Variants in RASGRF2 observed in about 807,000 individuals in gnomAD.
RASGRF2 encodes ras-specific guanine nucleotide-releasing factor 2.
In RASGRF2, 76 loss-of-function variants were observed where a neutral mutation model predicts 151.0. The observed-to-expected ratio is 0.50, with a 90% CI of 0.42 to 0.61. The LOEUF (loss-of-function observed/expected upper bound fraction) is 0.61. RASGRF2 is among the 20% of genes least tolerant of loss of function. RASGRF2 has a pLI of 0.00. For missense variants in RASGRF2, 1,148 were observed against 1,564.6 expected (o/e 0.73, Z 4.49); for synonymous variants, 504 against 566.5 (o/e 0.89, Z 1.57).
chr5:81,037,917 G>T (rs1034338102), intron 1 of RASGRF2, among the ~76,000 whole-genome samples: 2 of 151,982 alleles, frequency 1.3e-5, no homozygotes, highest in Non-Finnish European at 2.9e-5. Flanking sequence ...TTTTCTAACT[G>T]TATACATATC....
At chr5:81,194,898 A>G (rs1755228848) in intron 18 of RASGRF2, among the ~76,000 whole-genome samples, 1 of 152,260 alleles carries the variant, frequency 6.6e-6, no homozygotes, top group African/African-American at 2.4e-5. Context: ...TGAAGGAACA[A>G]GAGCTATGGG....
chr5:81,041,541 G>C (rs1413203962), intron 1 of RASGRF2, among the ~76,000 whole-genome samples: 1 of 152,064 alleles, frequency 6.6e-6, no homozygotes, highest in Non-Finnish European at 1.5e-5. Flanking sequence ...TTCTGCTTTA[G>C]AACTGTGATC....
At chr5:81,002,908 CT>C (rs1231877046) in intron 1 of RASGRF2, among the ~76,000 whole-genome samples, 1 of 152,150 alleles carries the variant, frequency 6.6e-6, no homozygotes, top group Non-Finnish European at 1.5e-5. Flanking sequence ...GAAAAAATGC[CT>C]TTTGGATATC....
At chr5:80,965,803 A>G (rs1178224605) in intron 1 of RASGRF2, among the ~76,000 whole-genome samples, 1 of 152,182 alleles carries the variant, frequency 6.6e-6, no homozygotes, top group Non-Finnish European at 1.5e-5. Flanking sequence ...TGGTTCATTA[A>G]AACAATTGCT....
At chr5:81,153,166 A>G (rs1215220850) in intron 17 of RASGRF2, among the ~76,000 whole-genome samples, 1 of 152,236 alleles carries the variant, frequency 6.6e-6, no homozygotes, top group Non-Finnish European at 1.5e-5. Flanking sequence ...AAGTAAAGAT[A>G]CCAGCATTGT....
rs185739923 is a variant in RASGRF2 at position 81,016,250 on chromosome 5, C to T, written c.289-26627C>T. ...AAAACAGAGAGGAATCATTGTCTTT[C>T]TCTGCAAACTGGGGATTATGACTTA... is the stretch of plus-strand genomic sequence containing the variant. On this transcript the variant is annotated intron_variant, in intron 1 of 26. Coordinates refer to ENST00000265080, the MANE Select transcript of RASGRF2 (RefSeq NM_006909.3). Among the ~76,000 whole-genome samples the T allele has an allele frequency of 4.1e-3, 632 of 152,308 alleles. 3 individuals are homozygous for T. Among genetic ancestry groups the T allele is most frequent in the Non-Finnish European group, 6.2e-3 (423 of 68,022 alleles).
Position 81,071,662 on chromosome 5 carries a change from G to T in RASGRF2, c.633+1081G>T, listed in dbSNP as rs909349520. On this transcript the variant is annotated intron_variant, in intron 4 of 26. Coordinates refer to ENST00000265080, the MANE Select transcript of RASGRF2 (RefSeq NM_006909.3). ...ATTTCTTAGAAATTAATTTTTTTTT[G>T]AATCAAGCTTATGCTATTGTGTTAT... 3.3e-4 allele frequency among the ~76,000 whole-genome samples: 50 copies of T among 150,934 alleles called. 1 individual carries two copies. The highest frequency in any genetic ancestry group is 1.1e-3 in the African/African-American group (46 of 41,184).
chr5:81,163,649 A>G (rs953955926), intron 17 of RASGRF2, among the ~76,000 whole-genome samples: 2 of 152,206 alleles, frequency 1.3e-5, no homozygotes, highest in Admixed American at 1.3e-4. Context: ...GTTTATGTGC[A>G]TATGGGTGTA....
intron 18 of RASGRF2, among the ~76,000 whole-genome samples, chr5:81,184,137 A>G (rs919165551): frequency 6.6e-6 from 1 of 152,192 alleles, no homozygotes; most frequent in African/African-American, 2.4e-5. Flanking sequence ...AAAGTTTCCA[A>G]AGTCAGCCCA....
chr5:81,225,389 G>A (rs1376075827), intron 26 of RASGRF2, among the ~76,000 whole-genome samples: 2 of 152,106 alleles, frequency 1.3e-5, no homozygotes, highest in Non-Finnish European at 2.9e-5. Context: ...ATTTCTGTAA[G>A]TACATGTAAT....
At chr5:81,210,060 T>C (rs16878538) in intron 22 of RASGRF2, 15,094 of 152,640 alleles carry the variant, frequency 0.099, 833 homozygotes, top group Admixed American at 0.14. Context: ...GCCTTTTACC[T>C]TGTCTCTCCA....
In RASGRF2 at chr5:81,078,305, C is replaced by T. The variant is rs533633376; in HGVS notation, c.888-1816C>T. ...TGAAATAAGTTATTGTTAACTATAGCTGCCCTATTGTGCTATCAAATAATA... is the reference window on the plus strand; with the variant it reads ...TGAAATAAGTTATTGTTAACTATAGTTGCCCTATTGTGCTATCAAATAATA... On this transcript the variant is annotated intron_variant, in intron 5 of 26. Coordinates refer to ENST00000265080, the MANE Select transcript of RASGRF2 (RefSeq NM_006909.3). Among the ~76,000 whole-genome samples the T allele has an allele frequency of 6.4e-4, 98 of 152,326 alleles. 2 individuals carry two copies. The highest frequency in any genetic ancestry group is 2.3e-3 in the African/African-American group (94 of 41,576).
Position 81,068,190 on chromosome 5 carries a change from G to T in RASGRF2, c.543+11G>T. 6.2e-7 allele frequency: 1 copy of T among 1,605,860 alleles called. No individual in the cohort carries two copies. ...AGGCTTAAATCAGAGGTATTTCCCA[G>T]TCAATAGATTCCTTCTCATTGTTTC... is the stretch of plus-strand genomic sequence containing the variant. On this transcript the variant is annotated intron_variant, in intron 3 of 26. Transcript: ENST00000265080.
At chr5:81,015,149 A>G (rs1259197813) in intron 1 of RASGRF2, among the ~76,000 whole-genome samples, 1 of 152,150 alleles carries the variant, frequency 6.6e-6, no homozygotes, top group Non-Finnish European at 1.5e-5. Flanking sequence ...AGCCATTTTT[A>G]TTTCAATCGG....
intron 17 of RASGRF2, among the ~76,000 whole-genome samples, chr5:81,169,703 G>T (rs1021572243): frequency 6.6e-6 from 1 of 152,132 alleles, no homozygotes; most frequent in African/African-American, 2.4e-5. Flanking sequence ...ATTCAATTCA[G>T]TACAGACCTT....
intron 1 of RASGRF2, among the ~76,000 whole-genome samples, chr5:80,970,975 G>A (rs1747912203): frequency 6.6e-6 from 1 of 152,074 alleles, no homozygotes; most frequent in Admixed American, 6.6e-5. Context: ...GTCCTGCGCT[G>A]TCACCTGTAC....
rs1373713534 is a variant in RASGRF2 at position 81,229,752 on chromosome 5, C to G, written c.*3982C>G. On this transcript the variant is annotated 3_prime_UTR_variant, in exon 27 of 27. Transcript: ENST00000265080. ...CGGCCCTGAGTCCTAGGCCCAGTCT[C>G]CAACTGGAAAACCTTAGGCTGGTGT... is the stretch of plus-strand genomic sequence containing the variant. The G allele has an allele frequency of 6.6e-6, 1 of 152,228 alleles. No individual in the cohort carries two copies. The highest frequency in any genetic ancestry group is 1.5e-5 in the Non-Finnish European group (1 of 68,054). 9.4% of individuals were successfully genotyped at this position (152,228 alleles called of 1,614,324 possible). A position where few individuals can be genotyped will look rare whatever the true frequency, so the allele number is the denominator to read the frequency against.
intron 17 of RASGRF2, among the ~76,000 whole-genome samples, chr5:81,174,139 C>A (rs750013208): frequency 6.6e-6 from 1 of 152,074 alleles, no homozygotes; most frequent in East Asian, 1.9e-4. Flanking sequence ...ATGAGAAAAA[C>A]CAAGGAGAGA....
intron 17 of RASGRF2, among the ~76,000 whole-genome samples, chr5:81,130,889 A>G (rs1753599304): frequency 1.3e-5 from 2 of 151,170 alleles, no homozygotes; most frequent in Non-Finnish European, 2.9e-5. Flanking sequence ...TGCTCCTAAC[A>G]GGAAACAAGG....
Sources: allele counts gnomAD v4.1 joint callset (sites outside exome capture counted in the v4.1 genomes callset), GRCh38; gene constraint gnomAD v4.1.1; transcripts MANE v1.5; gene names NCBI Gene and HGNC (gene_info 2026-07-23, HGNC 2026-07-21).